ALK: variants seen among roughly 807,000 people sequenced by gnomAD.
ALK encodes ALK tyrosine kinase receptor.
Under a neutral mutation model 163.1 loss-of-function variants are expected in ALK, and 74 were observed. The ratio of observed to expected loss-of-function variants is 0.45; its 90% confidence interval spans 0.38 to 0.55. The LOEUF is 0.55. Ranked by LOEUF, ALK falls within the 20% of genes least tolerant of loss-of-function variation. The probability of loss-of-function intolerance (pLI) is 0.00; values close to 1 mark genes in which losing one functional copy is unlikely to be tolerated. For missense variants in ALK, 2,063 were observed against 2,105.3 expected, an observed-to-expected ratio of 0.98 and a Z score of 0.39; for synonymous variants, 960 against 843.2, an observed-to-expected ratio of 1.14 and a Z score of -2.40.
chr2:29,680,123 C>T (rs1397624025), intron 3 of ALK, among the ~76,000 whole-genome samples: 1 of 151,758 alleles, frequency 6.6e-6, no homozygotes, highest in African/African-American at 2.4e-5. Flanking sequence ...TCTTTGGTGG[C>T]ATTTAACAAT....
intron 1 of ALK, among the ~76,000 whole-genome samples, chr2:29,882,441 A>G (rs573058743): frequency 6.6e-6 from 1 of 152,336 alleles, no homozygotes; most frequent in East Asian, 1.9e-4. Context: ...CATGCCTGTA[A>G]TCCCAGCACT....
intron 4 of ALK, among the ~76,000 whole-genome samples, chr2:29,453,196 T>G (rs1239495726): frequency 9.9e-6 from 1 of 101,188 alleles, no homozygotes; most frequent in Non-Finnish European, 2.1e-5. Context: ...CTCTGTACTG[T>G]TTTTGCAACT....
chr2:29,635,792 T>C (rs909755913), intron 3 of ALK, among the ~76,000 whole-genome samples: 2 of 133,878 alleles, frequency 1.5e-5, no homozygotes, highest in African/African-American at 2.7e-5. Flanking sequence ...TTTTTTTTAA[T>C]TATACTTTAA....
intron 11 of ALK, among the ~76,000 whole-genome samples, chr2:29,273,263 G>T (rs1369462787): frequency 6.6e-6 from 1 of 152,250 alleles, no homozygotes; most frequent in Admixed American, 6.5e-5. Flanking sequence ...GATTATTACT[G>T]ACTGGGTGTG....
intron 3 of ALK, among the ~76,000 whole-genome samples, chr2:29,614,369 C>T (rs928519937): frequency 3.9e-5 from 6 of 152,202 alleles, no homozygotes; most frequent in Non-Finnish European, 7.3e-5. Flanking sequence ...TCACCTATTT[C>T]CAGTGCCTAG....
At chr2:29,873,881 T>C (rs62129805) in intron 1 of ALK, among the ~76,000 whole-genome samples, 2,644 of 152,110 alleles carry the variant, frequency 0.017, 54 homozygotes, top group Admixed American at 0.067. Context: ...AAAATCGCTT[T>C]TAATGTCCCC....
intron 1 of ALK, among the ~76,000 whole-genome samples, chr2:29,724,889 C>G (rs1177908085): frequency 6.6e-6 from 1 of 152,176 alleles, no homozygotes; most frequent in Admixed American, 6.5e-5. Context: ...TGTGCTCTTT[C>G]TTAGTAGCTC....
intron 1 of ALK, among the ~76,000 whole-genome samples, chr2:29,903,624 G>A (rs373798246): frequency 6.6e-6 from 1 of 152,162 alleles, no homozygotes; most frequent in Non-Finnish European, 1.5e-5. Context: ...GATTGGAACA[G>A]AAAACCATAA....
chr2:29,693,052 G>A (rs779132883), intron 3 of ALK, among the ~76,000 whole-genome samples: 4 of 152,130 alleles, frequency 2.6e-5, no homozygotes, highest in Non-Finnish European at 5.9e-5. Context: ...CCATGAAGAA[G>A]AGCAAATAAG....
At chr2:29,328,104 T>C (rs1667327279) in intron 6 of ALK, among the ~76,000 whole-genome samples, 1 of 152,202 alleles carries the variant, frequency 6.6e-6, no homozygotes, top group Non-Finnish European at 1.5e-5. Flanking sequence ...GCCTTGAGGA[T>C]GCTGATAGCA....
Position 29,227,913 on chromosome 2 carries a change from C to A in ALK, c.2816-241G>T, listed in dbSNP as rs956074400. On this transcript the variant is annotated intron_variant, in intron 16 of 28. Transcript: ENST00000389048. The surrounding 1 kb of genome is among the most constrained non-coding windows in gnomAD (Gnocchi z 4.4). ...AGGTCCAGGCCAGCTCCCACTCTGC[C>A]GGTGGCCCACTAAGAAGTGGTTAAT... is the stretch of plus-strand genomic sequence containing the variant. 6.6e-6 allele frequency among the ~76,000 whole-genome samples: 1 copy of A among 152,110 alleles called. No individual in the cohort carries two copies. The highest frequency in any genetic ancestry group is 2.1e-4 in the South Asian group (1 of 4,826).
chr2:29,736,325 A>G (rs953639919), intron 1 of ALK, among the ~76,000 whole-genome samples: 6 of 151,974 alleles, frequency 3.9e-5, no homozygotes, highest in Admixed American at 3.9e-4. Flanking sequence ...GTTATGAGTC[A>G]TTTATTTTCT....
chr2:29,835,706 T>G (rs919567525), intron 1 of ALK, among the ~76,000 whole-genome samples: 10 of 152,216 alleles, frequency 6.6e-5, no homozygotes, highest in African/African-American at 2.4e-4. Context: ...TTGAATCATG[T>G]GGGTGGTATC....
At chr2:29,453,735 G>C (rs12620597) in intron 4 of ALK, among the ~76,000 whole-genome samples, 74,732 of 151,854 alleles carry the variant, frequency 0.49, 18,900 homozygotes, top group East Asian at 0.68. Context: ...AAGAAAAAGA[G>C]GAAGGGAAGA....
intron 11 of ALK, among the ~76,000 whole-genome samples, chr2:29,266,944 T>A: frequency 6.6e-6 from 1 of 152,248 alleles, no homozygotes; most frequent in East Asian, 1.9e-4. Context: ...CAGCTTCTGA[T>A]AATCACACCC....
intron 5 of ALK, among the ~76,000 whole-genome samples, chr2:29,334,881 G>C (rs1419938890): frequency 2.6e-5 from 4 of 152,180 alleles, no homozygotes; most frequent in Non-Finnish European, 5.9e-5. Flanking sequence ...ACAACGCTCT[G>C]TCTTCTCAAG....
At chr2:29,580,761 G>T (rs1573473070) in intron 3 of ALK, among the ~76,000 whole-genome samples, 1 of 152,226 alleles carries the variant, frequency 6.6e-6, no homozygotes, top group African/African-American at 2.4e-5. Context: ...CCCTGACGTG[G>T]TTTGGGGCTA....
In ALK at chr2:29,193,684, C is replaced by CCT; in HGVS notation, c.4401_4402dup (p.Gly1468GlufsTer10). ...CACGTGTCCCCCTTCCACGGCCGGC[C>CCT]CTCTAGGGACTCGAACAGAGATCTC... On this transcript the variant is annotated frameshift_variant, in exon 29 of 29. Coordinates refer to ENST00000389048, the MANE Select transcript of ALK (RefSeq NM_004304.5). LOFTEE classifies it low-confidence loss of function (END_TRUNC). The CCT allele has an allele frequency of 6.2e-7, 1 of 1,613,764 alleles. No individual in the cohort carries two copies. The highest frequency in any genetic ancestry group is 8.5e-7 in the Non-Finnish European group (1 of 1,179,708).
chr2:29,279,123 C>G (rs1029835807), intron 9 of ALK, among the ~76,000 whole-genome samples: 2 of 152,184 alleles, frequency 1.3e-5, no homozygotes, highest in Non-Finnish European at 2.9e-5. Flanking sequence ...GGCCTCTTAG[C>G]ATGGATGGGA....
Sources: allele counts gnomAD v4.1 joint callset (sites outside exome capture counted in the v4.1 genomes callset), GRCh38; gene constraint gnomAD v4.1.1; non-coding constraint Gnocchi (gnomAD v3.1); transcripts MANE v1.5; gene names NCBI Gene and HGNC (gene_info 2026-07-23, HGNC 2026-07-21).